Variants in NREP observed in about 807,000 individuals in gnomAD.
NREP encodes neuronal regeneration related protein.
A neutral mutation model predicts 8.6 loss-of-function variants in NREP; 5 were observed. The ratio of observed to expected loss-of-function variants is 0.58; its 90% CI spans 0.30 to 1.22. NREP has a LOEUF of 1.22. Ranked by LOEUF, NREP falls within the 50% of genes most tolerant of loss-of-function variation. The pLI is 0.07. For missense variants in NREP, 86 were observed against 82.5 expected (o/e 1.04, Z -0.17); for synonymous variants, 27 against 28.0 (o/e 0.96, Z 0.11).
chr5:111,826,451 C>G (rs536228354), intron 2 of NREP, among the ~76,000 whole-genome samples: 1 of 152,356 alleles, frequency 6.6e-6, no homozygotes, highest in South Asian at 2.1e-4. Context: ...AGCTGTAACA[C>G]TGACCATGAA....
At chr5:111,881,427 TA>T (rs1445612502) in intron 2 of NREP, among the ~76,000 whole-genome samples, 3 of 152,152 alleles carry the variant, frequency 2.0e-5, no homozygotes, top group African/African-American at 7.2e-5. Context: ...AAGACAGCAG[TA>T]ACCTCTGCAG....
chr5:111,953,749 A>T (rs935605968), intron 2 of NREP, among the ~76,000 whole-genome samples: 1 of 152,094 alleles, frequency 6.6e-6, no homozygotes, highest in African/African-American at 2.4e-5. Flanking sequence ...ATTTCTTAGA[A>T]AGTGATATTT....
chr5:111,867,216 C>T (rs1370067483), intron 2 of NREP, among the ~76,000 whole-genome samples: 1 of 151,956 alleles, frequency 6.6e-6, no homozygotes, highest in Non-Finnish European at 1.5e-5. Flanking sequence ...CAACAAAATA[C>T]CATAGACTGA....
intron 2 of NREP, among the ~76,000 whole-genome samples, chr5:111,839,544 T>A (rs1285716715): frequency 2.6e-5 from 4 of 152,128 alleles, no homozygotes; most frequent in African/African-American, 7.2e-5. Flanking sequence ...ACAACTAAAA[T>A]GACGTATTTT....
intron 2 of NREP, among the ~76,000 whole-genome samples, chr5:111,788,999 T>C (rs1301635160): frequency 6.6e-6 from 1 of 152,246 alleles, no homozygotes; most frequent in Non-Finnish European, 1.5e-5. Flanking sequence ...TTCGTGGCTC[T>C]ACAGCAGCTT....
chr5:111,888,218 T>C (rs1754308184), intron 2 of NREP, among the ~76,000 whole-genome samples: 1 of 152,238 alleles, frequency 6.6e-6, no homozygotes, highest in Non-Finnish European at 1.5e-5. Flanking sequence ...TTTAGTAAGA[T>C]GCAATATTTT....
chr5:111,888,349 G>GGT (rs1754313565), intron 2 of NREP, among the ~76,000 whole-genome samples: 1 of 151,894 alleles, frequency 6.6e-6, no homozygotes, highest in Non-Finnish European at 1.5e-5. Flanking sequence ...TGGCGGGGGG[G>GGT]GTCTCAGGAA....
At chr5:111,840,875 T>C (rs1753013517) in intron 2 of NREP, among the ~76,000 whole-genome samples, 1 of 151,976 alleles carries the variant, frequency 6.6e-6, no homozygotes. Context: ...TCAGAAGATA[T>C]TTGCGCAAGG....
chr5:111,804,700 A>G (rs1752095041), intron 2 of NREP, among the ~76,000 whole-genome samples: 1 of 144,712 alleles, frequency 6.9e-6, no homozygotes, highest in Non-Finnish European at 1.5e-5. Flanking sequence ...AGAATAAGAG[A>G]AAAAAAAAAC....
At position 111,938,207 on chromosome 5, in the gene NREP, C is replaced by T. The variant is rs569860300; in HGVS notation, c.135+37067G>A. Among the ~76,000 whole-genome samples, 11 of 152,178 alleles carry T rather than the reference C, an allele frequency of 7.2e-5. No homozygotes were observed. In the South Asian group the frequency reaches 2.3e-3, roughly 32 times the overall value. ...CTTCTGCCCCCTGCTGCACTCCTCT[C>T]TGGGAGCTCCATTCCCTCACTCATA... On this transcript the variant is annotated intron_variant, in intron 2 of 3. Transcript: ENST00000395634.
intron 2 of NREP, among the ~76,000 whole-genome samples, chr5:111,865,151 C>T (rs1753636742): frequency 6.6e-6 from 1 of 152,104 alleles, no homozygotes; most frequent in South Asian, 2.1e-4. Context: ...TAAAGTGTTT[C>T]CTCCTTCATA....
At chr5:111,911,966 G>A (rs1027237827) in intron 2 of NREP, among the ~76,000 whole-genome samples, 3 of 151,942 alleles carry the variant, frequency 2.0e-5, no homozygotes, top group Non-Finnish European at 4.4e-5. Flanking sequence ...GTTGTGGGGA[G>A]GCTAAATAAT....
At chr5:111,935,952 T>C (rs1260624969) in intron 2 of NREP, among the ~76,000 whole-genome samples, 3 of 152,076 alleles carry the variant, frequency 2.0e-5, no homozygotes, top group East Asian at 1.9e-4. Context: ...CCATGCTCTC[T>C]CTGAAGGCTC....
At chr5:111,810,513 G>T (rs1192047090) in intron 2 of NREP, among the ~76,000 whole-genome samples, 3 of 152,104 alleles carry the variant, frequency 2.0e-5, no homozygotes, top group African/African-American at 7.2e-5. Flanking sequence ...TTCAATTTGA[G>T]GTATCCTGAG....
chr5:111,972,999 G>A (rs1273394623), intron 2 of NREP, among the ~76,000 whole-genome samples: 1 of 152,166 alleles, frequency 6.6e-6, no homozygotes, highest in Admixed American at 6.5e-5. Context: ...CTGAGAGAAG[G>A]GTTGTGTGTA....
intron 2 of NREP, among the ~76,000 whole-genome samples, chr5:111,942,667 A>G (rs605747): frequency 0.98 from 148,746 of 152,060 alleles, 73,003 homozygotes; most frequent in Middle Eastern, 1. Flanking sequence ...TCAGATAATG[A>G]TACTAAAAAA....
chr5:111,806,342 T>C (rs1424284924), intron 2 of NREP, among the ~76,000 whole-genome samples: 1 of 152,072 alleles, frequency 6.6e-6, no homozygotes, highest in Non-Finnish European at 1.5e-5. Context: ...CCTGAGTATC[T>C]CCACACAAGC....
At chr5:111,858,818 T>C (rs1753482645) in intron 2 of NREP, among the ~76,000 whole-genome samples, 1 of 152,124 alleles carries the variant, frequency 6.6e-6, no homozygotes, top group African/African-American at 2.4e-5. Context: ...TCTACCATTA[T>C]GCTAAAATGC....
At chr5:111,967,276 A>T (rs1756668915) in intron 2 of NREP, among the ~76,000 whole-genome samples, 1 of 106,348 alleles carries the variant, frequency 9.4e-6, no homozygotes, top group Non-Finnish European at 1.9e-5. Context: ...TCCTTTGTCC[A>T]ACAAATTCTT....
Sources: gnomAD v4.1 joint callset for allele counts (sites outside exome capture counted in the v4.1 genomes callset) on GRCh38, gnomAD v4.1.1 for gene constraint, MANE v1.5 for transcripts, NCBI Gene and HGNC (gene_info 2026-07-23, HGNC 2026-07-21) for gene names.